Variants in C16orf95 observed in about 807,000 individuals in gnomAD.
C16orf95 encodes the protein uncharacterized protein C16orf95.
In C16orf95, 41 loss-of-function variants were observed where a neutral mutation model predicts 32.1. The ratio of observed to expected loss-of-function variants is 1.28; its 90% CI spans 1.00 to 1.66. The LOEUF is 1.66. Among genes scored for constraint, C16orf95 ranks in the 40% most tolerant of loss-of-function variants. C16orf95 has a pLI of 0.00. For missense variants in C16orf95, 399 were observed against 325.9 expected, an observed-to-expected ratio of 1.22 and a Z score of -1.73; for synonymous variants, 147 against 128.9, an observed-to-expected ratio of 1.14 and a Z score of -0.95.
chr16:87,305,162 T>C lies in C16orf95; in HGVS notation c.701+557A>G, dbSNP rs1026413943. Among the ~76,000 whole-genome samples, 1 of 152,112 alleles carries C rather than the reference T, an allele frequency of 6.6e-6. No homozygotes were observed. Among genetic ancestry groups the C allele is most frequent in the African/African-American group, 2.4e-5 (1 of 41,424 alleles). ...CCGGGGAGTGGCCCCGGAGGCTTCCTGGGGGAGGTATCCCAGCAGAAAGCC... is the reference window on the plus strand; with the variant it reads ...CCGGGGAGTGGCCCCGGAGGCTTCCCGGGGGAGGTATCCCAGCAGAAAGCC... On this transcript the variant is annotated intron_variant, in intron 6 of 6. Transcript: ENST00000567970. This position sits in a 1 kb window ranked among gnomAD's most constrained non-coding sequence, Gnocchi z 4.2.
Position 87,310,300 on chromosome 16 carries a change from G to A in C16orf95, c.511C>T (p.Gln171Ter). The A allele has an allele frequency of 2.0e-6, 3 of 1,536,092 alleles. No individual in the cohort carries two copies. Among genetic ancestry groups the A allele is most frequent in the Non-Finnish European group, 2.6e-6 (3 of 1,146,890 alleles). Reference protein sequence around the residue: ...VRRQQSLKGIQAPLLDACCWH... With the variant: ...VRRQQSLKGI ...GACACACACACACTGGAGTTACCTTGGATGCCTTTCAAACTCTGCTGCCTC... is the reference window on the plus strand; with the variant it reads ...GACACACACACACTGGAGTTACCTTAGATGCCTTTCAAACTCTGCTGCCTC... The change falls in exon 5 of 7, where the codon CAA (glutamine) becomes TAA (stop). Residue 171 changes from glutamine (Q) to a stop codon, truncating the protein, a stop_gained. Transcript: ENST00000567970. LOFTEE classifies it high-confidence loss of function.
intron 3 of C16orf95, among the ~76,000 whole-genome samples, chr16:87,313,362 T>C (rs1364987964): frequency 6.6e-6 from 1 of 152,326 alleles, no homozygotes; most frequent in East Asian, 1.9e-4. Context: ...CAGAAATAAA[T>C]TCATACATAT....
In C16orf95 at chr16:87,315,071, C is replaced by G. The variant is rs1195097496; in HGVS notation, c.230G>C (p.Cys77Ser). The change falls in exon 3 of 7, where the codon TGC becomes TCC. Residue 77 changes from cysteine (C) to serine (S), a missense_variant. Physicochemically the swap from Cys to Ser is moderately radical, Grantham distance 112. Transcript: ENST00000567970. The stretch of plus-strand genomic sequence containing the variant: ...CCCGAATCTGGTCTGGCATTCACAG[C>G]AGATGGCCCAGGGGCCAGGGTGCAT... ...HSMHPGPWAI[C>S]CECQTRFGGR... 2.6e-6 allele frequency: 4 copies of G among 1,535,988 alleles called. No homozygotes were observed. The highest frequency in any genetic ancestry group is 3.5e-6 in the Non-Finnish European group (4 of 1,146,870).
Position 87,303,062 on chromosome 16 carries a change from C to A in C16orf95, c.715G>T (p.Val239Phe). The A allele has an allele frequency of 6.5e-7, 1 of 1,536,086 alleles. No homozygotes were observed. The highest frequency in any genetic ancestry group is 8.7e-7 in the Non-Finnish European group (1 of 1,146,882). Residue 239 changes from valine to phenylalanine, a missense_variant, in exon 7 of 7, where the codon GTT becomes TTT. Physicochemically the swap from Val to Phe is conservative, Grantham distance 50. Coordinates refer to ENST00000567970, the MANE Select transcript of C16orf95 (RefSeq NM_001195124.3). ...AGTAGCTGAAGATTCCAACTTCAAA[C>A]CCCAAAACACTGGCTGGAAAGCAAA... is the stretch of plus-strand genomic sequence containing the variant. ...VIMAIRQCFGV is the reference protein window; with the variant it reads ...VIMAIRQCFGF
At chr16:87,307,264 C>T (rs1911070090) in intron 5 of C16orf95, among the ~76,000 whole-genome samples, 1 of 152,186 alleles carries the variant, frequency 6.6e-6, no homozygotes, top group African/African-American at 2.4e-5. Context: ...TAGCCTACTC[C>T]TTTTAGAGAC....
chr16:87,303,278 A>C, intron 6 of C16orf95: 1 of 577,396 alleles, frequency 1.7e-6, no homozygotes, highest in Non-Finnish European at 3.1e-6. Context: ...CAGCCGCAGG[A>C]CTGGGGTGAG....
At chr16:87,315,991 A>G (rs1904324398) in intron 1 of C16orf95, among the ~76,000 whole-genome samples, 168 bp from the exon 2 acceptor site, 1 of 152,188 alleles carries the variant, frequency 6.6e-6, no homozygotes, top group Non-Finnish European at 1.5e-5. Flanking sequence ...GGGTGACATC[A>G]GAAGCAGGCG....
Position 87,305,705 on chromosome 16 carries a change from C to G in C16orf95, c.701+14G>C. 1 of 1,492,514 alleles carries G rather than the reference C, an allele frequency of 6.7e-7. No homozygotes were observed. The highest frequency in any genetic ancestry group is 8.9e-7 in the Non-Finnish European group (1 of 1,126,608). 92.5% of individuals were successfully genotyped at this position (1,492,514 alleles called of 1,614,324 possible). A position where few individuals can be genotyped will look rare whatever the true frequency, so the allele number is the denominator to read the frequency against. ...CCAGGGCCACCCACTGTCCCCCATCCCCCACCTGCTCACCGAATGGCCATG... is the reference window on the plus strand; with the variant it reads ...CCAGGGCCACCCACTGTCCCCCATCGCCCACCTGCTCACCGAATGGCCATG... On this transcript the variant is annotated intron_variant, in intron 6 of 6. Coordinates refer to ENST00000567970, the MANE Select transcript of C16orf95 (RefSeq NM_001195124.3). The surrounding 1 kb of genome is among the most constrained non-coding windows in gnomAD (Gnocchi z 4.2).
Position 87,305,992 on chromosome 16 carries a change from C to T in C16orf95, c.515-87G>A. On this transcript the variant is annotated intron_variant, in intron 5 of 6. Transcript: ENST00000567970. The surrounding 1 kb of genome is among the most constrained non-coding windows in gnomAD (Gnocchi z 4.2). ...GGAGGCTGCAACACCAGCCCCAGAG[C>T]CTCCGGGAAATGGGGACTTCCAGGA... is the stretch of plus-strand genomic sequence containing the variant. 1.8e-6 allele frequency: 2 copies of T among 1,095,480 alleles called. No individual in the cohort carries two copies. The highest frequency in any genetic ancestry group is 1.2e-6 in the Non-Finnish European group (1 of 830,112). 67.9% of individuals were successfully genotyped at this position (1,095,480 alleles called of 1,614,324 possible).
chr16:87,311,303 G>C lies in C16orf95; in HGVS notation c.331-7C>G. 4.6e-6 allele frequency: 7 copies of C among 1,523,270 alleles called. No homozygotes were observed. Among genetic ancestry groups the C allele is most frequent in the Non-Finnish European group, 6.2e-6 (7 of 1,137,360 alleles). 94.4% of individuals were successfully genotyped at this position (1,523,270 alleles called of 1,614,324 possible). A position where few individuals can be genotyped will look rare whatever the true frequency, so the allele number is the denominator to read the frequency against. ...ATTGAACCGTCTTTTGACTCTAACAGAGAGGATGGGAGGAGAAGATTCAGA... is the reference window on the plus strand; with the variant it reads ...ATTGAACCGTCTTTTGACTCTAACACAGAGGATGGGAGGAGAAGATTCAGA... On this transcript the variant is annotated splice_polypyrimidine_tract_variant and splice_region_variant and intron_variant, in intron 3 of 6. Transcript: ENST00000567970.
chr16:87,307,495 A>T (rs1051365656), intron 5 of C16orf95, among the ~76,000 whole-genome samples: 2 of 152,260 alleles, frequency 1.3e-5, no homozygotes, highest in African/African-American at 4.8e-5. Context: ...ACGGTGGCTC[A>T]CGCCTGTCAT....
chr16:87,311,411 G>A, intron 3 of C16orf95, 115 bp from the exon 4 acceptor site: 2 of 1,141,234 alleles, frequency 1.8e-6, no homozygotes, highest in South Asian at 1.6e-5. Flanking sequence ...CTTAGTATCA[G>A]GGCAGGCCCT....
chr16:87,302,936 G>T lies in C16orf95; in HGVS notation c.*121C>A. On this transcript the variant is annotated 3_prime_UTR_variant, in exon 7 of 7. Transcript: ENST00000567970. ...AAATCATTTGGGTTGAATCCTGGGT[G>T]TGGATTCTGTTCTGAGAAGACAGCG... 9.8e-7 allele frequency: 1 copy of T among 1,018,122 alleles called. No homozygotes were observed. Among genetic ancestry groups the T allele is most frequent in the Non-Finnish European group, 1.5e-6 (1 of 675,714 alleles). The allele number at this position is 1,018,122 out of a possible 1,614,324, so 63.1% of individuals were successfully genotyped here. A position where few individuals can be genotyped will look rare whatever the true frequency, so the allele number is the denominator to read the frequency against.
chr16:87,315,891 C>G (rs557417781), intron 1 of C16orf95, 68 bp from the exon 2 acceptor site: 1 of 1,158,544 alleles, frequency 8.6e-7, no homozygotes, highest in Non-Finnish European at 1.2e-6. Flanking sequence ...AGAGCACAGG[C>G]CTGGACCTGT....
At chr16:87,312,568 C>CAAAAAAAAA (rs71389850) in intron 3 of C16orf95, among the ~76,000 whole-genome samples, 2 of 86,028 alleles carry the variant, frequency 2.3e-5, no homozygotes, top group Non-Finnish European at 4.2e-5. Context: ...GACTCCATCT[C>CAAAAAAAAA]AAAAAAAAAA....
rs1429324939 is a variant in C16orf95, at chr16:87,314,998, G to C, written c.303C>G (p.Val101=). ...SRVEAALPYW[V]PLSLRPRKQS... ...GCTTTCGGGGTCTCAGGGACAGAGG[G>C]ACCCAGTAAGGCAGTGCTGCTTCCA... The change falls in exon 3 of 7, where the codon GTC becomes GTG. Residue 101 remains valine (V), a synonymous_variant. Coordinates refer to ENST00000567970, the MANE Select transcript of C16orf95 (RefSeq NM_001195124.3). The C allele has an allele frequency of 6.5e-7, 1 of 1,536,130 alleles. No homozygotes were observed. The highest frequency in any genetic ancestry group is 2.4e-5 in the East Asian group (1 of 40,920).
At chr16:87,316,723 T>G (rs1904353129) in intron 1 of C16orf95, among the ~76,000 whole-genome samples, 1 of 151,878 alleles carries the variant, frequency 6.6e-6, no homozygotes. Flanking sequence ...CCTGGAAAGC[T>G]GGGAAAAAAA....
At chr16:87,315,684 C>A in intron 2 of C16orf95, 88 bp downstream of exon 2, 2 of 1,025,696 alleles carry the variant, frequency 1.9e-6, no homozygotes, top group South Asian at 1.8e-5. Flanking sequence ...TCATGGGATG[C>A]AGCTTCTGGA....
At chr16:87,313,251 A>G (rs1009890217) in intron 3 of C16orf95, among the ~76,000 whole-genome samples, 2 of 152,200 alleles carry the variant, frequency 1.3e-5, no homozygotes, top group African/African-American at 4.8e-5. Flanking sequence ...TTGAAAATGA[A>G]CACTACTTGA....
Sources: allele counts gnomAD v4.1 joint callset (sites outside exome capture counted in the v4.1 genomes callset), GRCh38; gene constraint gnomAD v4.1.1; non-coding constraint Gnocchi (gnomAD v3.1); transcripts MANE v1.5; gene names NCBI Gene and HGNC (gene_info 2026-07-23, HGNC 2026-07-21).